Variants in ADAMTSL3 observed in about 807,000 individuals in gnomAD.
The protein encoded by ADAMTSL3 is ADAMTS like 3.
ADAMTSL3 carries 128 observed loss-of-function variants against 201.7 expected under a neutral mutation model. That is an observed-to-expected ratio of 0.63 (90% CI 0.55 to 0.73). The LOEUF (loss-of-function observed/expected upper bound fraction) is 0.73, where lower values mean the gene tolerates loss of function less well. ADAMTSL3 is among the 30% of genes least tolerant of loss of function. ADAMTSL3 has a pLI of 0.00. For synonymous variants in ADAMTSL3, 738 were observed against 748.4 expected (o/e 0.99, Z 0.23); for missense variants, 1,990 against 2,119.6 (o/e 0.94, Z 1.20).
chr15:83,847,252 C>T (rs188989880), intron 7 of ADAMTSL3, among the ~76,000 whole-genome samples: 15 of 152,280 alleles, frequency 9.9e-5, no homozygotes, highest in African/African-American at 3.6e-4. Context: ...TAATTTCCTA[C>T]ATTTGCTTTT....
intron 2 of ADAMTSL3, among the ~76,000 whole-genome samples, chr15:83,702,590 G>A (rs992686760): frequency 4.6e-5 from 7 of 152,240 alleles, no homozygotes; most frequent in Admixed American, 1.3e-4. Context: ...TGTAGAGCTC[G>A]GGCTGTGGCT....
At chr15:83,907,686 G>A (rs534494682) in intron 15 of ADAMTSL3, among the ~76,000 whole-genome samples, 1 of 152,286 alleles carries the variant, frequency 6.6e-6, no homozygotes, top group South Asian at 2.1e-4. Context: ...TTACAGGTGT[G>A]AGCCACCACA....
intron 3 of ADAMTSL3, among the ~76,000 whole-genome samples, chr15:83,760,448 CAA>C (rs1056127199): frequency 2.0e-5 from 3 of 151,948 alleles, no homozygotes; most frequent in African/African-American, 7.2e-5. Context: ...TTCATAAATA[CAA>C]AAAATATATA....
chr15:83,968,337 A>G (rs930828625), intron 19 of ADAMTSL3, among the ~76,000 whole-genome samples: 6 of 152,224 alleles, frequency 3.9e-5, no homozygotes, highest in East Asian at 1.9e-4. Context: ...AATTTACAAG[A>G]AAAAACCCCA....
intron 20 of ADAMTSL3, among the ~76,000 whole-genome samples, chr15:83,974,134 C>T (rs1029397185): frequency 6.6e-6 from 1 of 152,182 alleles, no homozygotes; most frequent in African/African-American, 2.4e-5. Context: ...TGAAGTTCTT[C>T]CTGCTCCTGA....
intron 25 of ADAMTSL3, among the ~76,000 whole-genome samples, chr15:84,019,961 A>G (rs1386901977): frequency 2.0e-5 from 3 of 152,028 alleles, no homozygotes; most frequent in Non-Finnish European, 4.4e-5. Context: ...AGAATAAGTA[A>G]AACTAATGTA....
intron 4 of ADAMTSL3, among the ~76,000 whole-genome samples, chr15:83,793,038 G>A (rs2063367162): frequency 6.6e-6 from 1 of 152,162 alleles, no homozygotes; most frequent in Non-Finnish European, 1.5e-5. Context: ...TTGTGACAAT[G>A]TGGATGAACA....
At chr15:83,761,510 T>G (rs2062808370) in intron 3 of ADAMTSL3, among the ~76,000 whole-genome samples, 1 of 152,204 alleles carries the variant, frequency 6.6e-6, no homozygotes, top group Admixed American at 6.5e-5. Flanking sequence ...TGACAATCTC[T>G]TTCTTTTACT....
intron 3 of ADAMTSL3, among the ~76,000 whole-genome samples, chr15:83,707,286 G>A (rs931713980): frequency 6.6e-6 from 1 of 152,104 alleles, no homozygotes; most frequent in Non-Finnish European, 1.5e-5. Flanking sequence ...CCTGCATAGG[G>A]CCTGGTACAT....
chr15:83,963,967 C>T (rs1415150652), intron 19 of ADAMTSL3, among the ~76,000 whole-genome samples: 1 of 152,106 alleles, frequency 6.6e-6, no homozygotes. Flanking sequence ...ACATCAACAT[C>T]AACAAAAAGG....
chr15:83,716,189 G>T (rs2562765), intron 3 of ADAMTSL3, among the ~76,000 whole-genome samples: 30,340 of 149,758 alleles, frequency 0.2, 3,961 homozygotes, highest in Middle Eastern at 0.36. Context: ...TTTTATTTCT[G>T]AGTTTGCTTT....
chr15:83,716,595 T>C (rs2062022585), intron 3 of ADAMTSL3, among the ~76,000 whole-genome samples: 1 of 144,706 alleles, frequency 6.9e-6, no homozygotes, highest in African/African-American at 2.6e-5. Context: ...ATAAAGAGCC[T>C]ATCTTTATTT....
intron 20 of ADAMTSL3, among the ~76,000 whole-genome samples, chr15:83,972,909 G>A (rs138112748): frequency 6.6e-6 from 1 of 152,208 alleles, no homozygotes; most frequent in Non-Finnish European, 1.5e-5. Context: ...CAAGAGATGA[G>A]GTTGGCATTC....
At chr15:83,981,478 A>G (rs1567279554) in intron 20 of ADAMTSL3, among the ~76,000 whole-genome samples, 1 of 152,216 alleles carries the variant, frequency 6.6e-6, no homozygotes, top group Non-Finnish European at 1.5e-5. Flanking sequence ...CTTGATATAA[A>G]CAATCTGACT....
At chr15:83,989,016 G>A (rs2067536668) in intron 22 of ADAMTSL3, among the ~76,000 whole-genome samples, 198 bp downstream of exon 22, 1 of 151,542 alleles carries the variant, frequency 6.6e-6, no homozygotes, top group African/African-American at 2.4e-5. Flanking sequence ...CGAGTAGCTG[G>A]GGACTACAGG....
chr15:83,665,018 C>T (rs1056388498), intron 2 of ADAMTSL3, among the ~76,000 whole-genome samples: 9 of 152,080 alleles, frequency 5.9e-5, no homozygotes, highest in Admixed American at 4.6e-4. Flanking sequence ...GGCACCGTTG[C>T]GACACCATTG....
At chr15:83,957,260 G>A (rs893605195) in intron 19 of ADAMTSL3, among the ~76,000 whole-genome samples, 2 of 152,186 alleles carry the variant, frequency 1.3e-5, no homozygotes, top group Non-Finnish European at 2.9e-5. Flanking sequence ...GATGCACTGA[G>A]TAAGTGCTGG....
At chr15:83,979,435 C>T (rs774483289) in intron 20 of ADAMTSL3, among the ~76,000 whole-genome samples, 2 of 152,104 alleles carry the variant, frequency 1.3e-5, no homozygotes, top group Non-Finnish European at 2.9e-5. Context: ...TGCCTTGTTA[C>T]AATAGGCTAC....
chr15:84,018,715 G>C (rs954460877), intron 25 of ADAMTSL3, among the ~76,000 whole-genome samples: 6 of 152,090 alleles, frequency 3.9e-5, no homozygotes, highest in African/African-American at 1.4e-4. Context: ...TGAGGTTGGA[G>C]AGTGGCTGAG....
Sources: allele counts gnomAD v4.1 joint callset (sites outside exome capture counted in the v4.1 genomes callset), GRCh38; gene constraint gnomAD v4.1.1; transcripts MANE v1.5; gene names NCBI Gene and HGNC (gene_info 2026-07-23, HGNC 2026-07-21).